The following PCDH15 variants were observed in gnomAD, a reference collection of about 807,000 sequenced individuals.
The protein encoded by PCDH15 is protocadherin related 15, also known as protocadherin-15.
A neutral mutation model predicts 178.5 loss-of-function variants in PCDH15; 129 were observed. The observed-to-expected ratio is 0.72, with a 90% CI of 0.63 to 0.84. The LOEUF is 0.84. Among genes scored for constraint, PCDH15 ranks in the 40% least tolerant of loss-of-function variants. The pLI, the probability that PCDH15 is intolerant of heterozygous loss-of-function variation, is 0.00. For missense variants in PCDH15, 2,230 were observed against 2,099.9 expected (o/e 1.06, Z -1.21); for synonymous variants, 800 against 732.0 (o/e 1.09, Z -1.50).
At chr10:54,156,181 G>C (rs185681231) in intron 13 of PCDH15, among the ~76,000 whole-genome samples, 1 of 151,894 alleles carries the variant, frequency 6.6e-6, no homozygotes, top group Non-Finnish European at 1.5e-5. Context: ...ATTTCTTTTC[G>C]ATGATGTTTT....
intron 3 of PCDH15, among the ~76,000 whole-genome samples, chr10:54,856,788 A>C (rs1953749164): frequency 6.6e-6 from 1 of 152,124 alleles, no homozygotes; most frequent in African/African-American, 2.4e-5. Context: ...TAGTCTACGG[A>C]TGTGACATTT....
intron 33 of PCDH15, among the ~76,000 whole-genome samples, chr10:53,818,964 A>T (rs897869164): frequency 1.3e-5 from 2 of 152,006 alleles, no homozygotes; most frequent in African/African-American, 4.8e-5. Flanking sequence ...TATGCATTGT[A>T]TATTGAAACT....
chr10:54,714,984 A>T (rs1243102417), intron 1 of PCDH15, among the ~76,000 whole-genome samples: 1 of 152,058 alleles, frequency 6.6e-6, no homozygotes, highest in Non-Finnish European at 1.5e-5. Context: ...GTTTAAAACC[A>T]ACTGTTTTCA....
At chr10:54,344,329 A>G (rs992465638) in intron 6 of PCDH15, among the ~76,000 whole-genome samples, 1 of 152,154 alleles carries the variant, frequency 6.6e-6, no homozygotes, top group Non-Finnish European at 1.5e-5. Flanking sequence ...AGGGAGTAAG[A>G]GTTACATATT....
At chr10:55,411,836 C>A (rs1272783722) in intron 2 of PCDH15, among the ~76,000 whole-genome samples, 2 of 151,752 alleles carry the variant, frequency 1.3e-5, no homozygotes, top group East Asian at 3.9e-4. Context: ...ACAGATAATC[C>A]TGCAGTTAGG....
At chr10:54,618,718 C>A (rs2093261883) in intron 2 of PCDH15, among the ~76,000 whole-genome samples, 1 of 151,914 alleles carries the variant, frequency 6.6e-6, no homozygotes, top group African/African-American at 2.4e-5. Context: ...AATGAGTTTG[C>A]TACATGTTAT....
chr10:55,056,685 T>G (rs1841314898), intron 2 of PCDH15, among the ~76,000 whole-genome samples: 1 of 150,936 alleles, frequency 6.6e-6, no homozygotes, highest in African/African-American at 2.4e-5. Context: ...CAGGCTGGAG[T>G]GTAATGGTGT....
chr10:55,119,115 C>T (rs1837700667), intron 2 of PCDH15, among the ~76,000 whole-genome samples: 2 of 152,094 alleles, frequency 1.3e-5, no homozygotes, highest in African/African-American at 4.8e-5. Flanking sequence ...ATTGCATGTC[C>T]TTTGATGCAT....
At chr10:54,939,117 A>G (rs760623119) in intron 2 of PCDH15, among the ~76,000 whole-genome samples, 6 of 152,152 alleles carry the variant, frequency 3.9e-5, no homozygotes, top group African/African-American at 4.8e-5. Flanking sequence ...TATAAAATAA[A>G]CACATAAGTC....
intron 2 of PCDH15, among the ~76,000 whole-genome samples, chr10:54,901,192 G>C (rs1163748952): frequency 6.6e-6 from 1 of 152,084 alleles, no homozygotes; most frequent in African/African-American, 2.4e-5. Context: ...CTGTATGCCA[G>C]ATACTCAGGA....
intron 3 of PCDH15, among the ~76,000 whole-genome samples, chr10:54,388,397 AG>A (rs1348370687): frequency 1.3e-5 from 2 of 152,188 alleles, no homozygotes; most frequent in African/African-American, 4.8e-5. Context: ...TAAGTAAGAT[AG>A]GAAGAGAGAT....
chr10:54,981,767 C>T (rs910977926), intron 2 of PCDH15, among the ~76,000 whole-genome samples: 2 of 151,744 alleles, frequency 1.3e-5, no homozygotes, highest in Non-Finnish European at 2.9e-5. Flanking sequence ...TCCTGGAACC[C>T]CCCACCTCCT....
At chr10:54,449,579 T>C (rs1382840315) in intron 3 of PCDH15, among the ~76,000 whole-genome samples, 1 of 151,778 alleles carries the variant, frequency 6.6e-6, no homozygotes, top group African/African-American at 2.4e-5. Context: ...GCCTAAAAAC[T>C]GGGTGGCAAA....
At chr10:53,810,759 C>T in intron 36 of PCDH15, 95 bp from the exon 37 acceptor site, 1 of 1,135,746 alleles carries the variant, frequency 8.8e-7, no homozygotes. Context: ...TTCCGCCATT[C>T]AATCGACAGA....
chr10:55,046,172 G>A (rs1417123010), intron 2 of PCDH15, among the ~76,000 whole-genome samples: 3 of 151,978 alleles, frequency 2.0e-5, no homozygotes, highest in South Asian at 2.1e-4. Flanking sequence ...ACAAATCGTC[G>A]TTTTCACTTC....
At chr10:53,848,661 C>A (rs1483592641) in intron 28 of PCDH15, among the ~76,000 whole-genome samples, 1 of 151,744 alleles carries the variant, frequency 6.6e-6, no homozygotes, top group Non-Finnish European at 1.5e-5. Flanking sequence ...AAAAAATATA[C>A]CTGTATCAAT....
Position 53,893,112 on chromosome 10 carries a change from AAAAC to A in PCDH15, c.3501+10127_3501+10130del, listed in dbSNP as rs1317543900. Among the ~76,000 whole-genome samples, 6 of 152,324 alleles carry A rather than the reference AAAAC, an allele frequency of 3.9e-5. No individual in the cohort carries two copies. In the East Asian group the frequency reaches 1.2e-3, roughly 29 times the overall value. ...ATTTGACTTTGAGTGTCGGTGGAAA[AAAAC>A]AAAAGGAAAATATTAAGTACAGTAT... On this transcript the variant is annotated intron_variant, in intron 26 of 37. Coordinates refer to ENST00000644397, the MANE Select transcript of PCDH15 (RefSeq NM_001384140.1).
chr10:55,401,351 AT>A (rs34244900), intron 2 of PCDH15, among the ~76,000 whole-genome samples: 2,220 of 151,638 alleles, frequency 0.015, 58 homozygotes, highest in African/African-American at 0.051. Flanking sequence ...TATGAGATTA[AT>A]TTTTTTTGTC....
intron 27 of PCDH15, among the ~76,000 whole-genome samples, chr10:53,861,767 G>C (rs1434714363): frequency 1.3e-5 from 2 of 152,022 alleles, no homozygotes; most frequent in Non-Finnish European, 1.5e-5. Context: ...ATCTCCGTGT[G>C]ACCTAGCCAT....
Sources: allele counts gnomAD v4.1 joint callset (sites outside exome capture counted in the v4.1 genomes callset), GRCh38; gene constraint gnomAD v4.1.1; transcripts MANE v1.5; gene names NCBI Gene and HGNC (gene_info 2026-07-23, HGNC 2026-07-21).